GHRHR: variants seen among roughly 807,000 people sequenced by gnomAD.
GHRHR encodes the protein growth hormone releasing hormone receptor.
Under a neutral mutation model 58.3 loss-of-function variants are expected in GHRHR, and 40 were observed. The observed-to-expected ratio is 0.69, with a 90% CI of 0.53 to 0.89. The LOEUF is 0.89. Among genes scored for constraint, GHRHR ranks in the 40% least tolerant of loss-of-function variants. The pLI is 0.00. For missense variants in GHRHR, 551 were observed against 541.3 expected (o/e 1.02, Z -0.18); for synonymous variants, 249 against 216.6 (o/e 1.15, Z -1.31).
At chr7:30,975,411 A>G (rs1243808936) in intron 9 of GHRHR, among the ~76,000 whole-genome samples, 1 of 152,206 alleles carries the variant, frequency 6.6e-6, no homozygotes, top group Admixed American at 6.5e-5. Flanking sequence ...GGCAGTGAAG[A>G]CTGCTTTGCA....
Position 30,969,915 on chromosome 7 carries a change from C to A in GHRHR, c.317C>A (p.Pro106Gln). ...CTITGWSEPF[P>Q]PYPVACPVPL... ...ATCACTGGCTGGTCTGAGCCCTTTCCACCTTACCCTGTGGCCTGCCCTGTG... is the reference window on the plus strand; with the variant it reads ...ATCACTGGCTGGTCTGAGCCCTTTCAACCTTACCCTGTGGCCTGCCCTGTG... Residue 106 changes from proline to glutamine, a missense_variant, in exon 4 of 13, where the codon CCA (proline) becomes CAA (glutamine). Coordinates refer to ENST00000326139, the MANE Select transcript of GHRHR (RefSeq NM_000823.4). The A allele has an allele frequency of 6.3e-7, 1 of 1,592,018 alleles. No individual in the cohort carries two copies. Among genetic ancestry groups the A allele is most frequent in the Non-Finnish European group, 8.6e-7 (1 of 1,159,782 alleles).
At chr7:30,970,659 G>A (rs1259272323) in intron 4 of GHRHR, among the ~76,000 whole-genome samples, 1 of 152,236 alleles carries the variant, frequency 6.6e-6, no homozygotes, top group Non-Finnish European at 1.5e-5. Flanking sequence ...GCTGGACTCT[G>A]ACTGATCCAA....
chr7:30,972,203 G>C, intron 6 of GHRHR, 108 bp downstream of exon 6: 2 of 1,251,358 alleles, frequency 1.6e-6, no homozygotes, highest in Non-Finnish European at 2.3e-6. Context: ...CTGACCCTGG[G>C]GCTCCCGCAT....
intron 1 of GHRHR, among the ~76,000 whole-genome samples, chr7:30,964,486 CCT>C (rs1485481155): frequency 6.6e-6 from 1 of 152,204 alleles, no homozygotes; most frequent in Non-Finnish European, 1.5e-5. Flanking sequence ...GTCAGGCTCC[CCT>C]CTTAGTCCCT....
chr7:30,965,609 C>T (rs554266184), intron 1 of GHRHR, among the ~76,000 whole-genome samples: 13 of 152,330 alleles, frequency 8.5e-5, no homozygotes, highest in African/African-American at 3.1e-4. Context: ...TTCCCTCCTT[C>T]TCTTAGAGGT....
chr7:30,974,359 G>T, intron 7 of GHRHR, 70 bp from the exon 8 acceptor site: 1 of 1,220,870 alleles, frequency 8.2e-7, no homozygotes. Context: ...GGTGGTGGTG[G>T]GAGGTGGCGC....
chr7:30,977,180 A>G, intron 11 of GHRHR, 101 bp from the exon 12 acceptor site: 1 of 1,099,474 alleles, frequency 9.1e-7, no homozygotes, highest in Non-Finnish European at 1.4e-6. Flanking sequence ...GGCCCAAGCC[A>G]TAGCCTGGGG....
At chr7:30,965,024 C>T (rs749844729) in intron 1 of GHRHR, among the ~76,000 whole-genome samples, 1 of 152,142 alleles carries the variant, frequency 6.6e-6, no homozygotes, top group African/African-American at 2.4e-5. Flanking sequence ...TGAAACTAGC[C>T]GTGTGAACTG....
chr7:30,964,203 G>A (rs2128596170), intron 1 of GHRHR, 78 bp downstream of exon 1: 2 of 1,291,050 alleles, frequency 1.5e-6, no homozygotes, highest in Non-Finnish European at 2.2e-6. Flanking sequence ...CTGGAGCCTG[G>A]CGGAGACCCT....
In GHRHR at chr7:30,969,136, C is replaced by A; in HGVS notation, c.234C>A (p.Cys78Ter). ...CTGGCGAGTGGGTCACCCTCCCCTG[C>A]CCGGATTTCTTCTCTCACTTCAGCT... ...AGSGEWVTLP[C>*]PDFFSHFSSE... Residue 78 changes from cysteine to a stop codon, truncating the protein, a stop_gained, in exon 3 of 13, where the codon TGC becomes TGA. Transcript: ENST00000326139. LOFTEE classifies it high-confidence loss of function. 1 of 1,573,720 alleles carries A rather than the reference C, an allele frequency of 6.4e-7. No individual in the cohort carries two copies. The highest frequency in any genetic ancestry group is 8.6e-7 in the Non-Finnish European group (1 of 1,159,282).
chr7:30,966,969 G>T (rs545142369), intron 1 of GHRHR, among the ~76,000 whole-genome samples: 1 of 152,120 alleles, frequency 6.6e-6, no homozygotes. Context: ...CACAGTTTGC[G>T]CAGGGTCTAT....
intron 9 of GHRHR, among the ~76,000 whole-genome samples, chr7:30,975,554 C>T (rs1396361021): frequency 2.6e-5 from 4 of 152,148 alleles, no homozygotes; most frequent in African/African-American, 9.7e-5. Context: ...CCCTTGATCC[C>T]AGGACTTGGT....
chr7:30,972,174 G>A, intron 6 of GHRHR, 79 bp downstream of exon 6: 1 of 1,525,438 alleles, frequency 6.6e-7, no homozygotes, highest in Non-Finnish European at 9.0e-7. Context: ...GCCTGCGTCA[G>A]GCTTCCCTGC....
intron 2 of GHRHR, 59 bp from the exon 3 acceptor site, chr7:30,969,004 A>G: frequency 6.5e-7 from 1 of 1,547,896 alleles, no homozygotes; most frequent in Admixed American, 1.7e-5. Context: ...CACCCCTCGG[A>G]TTATTGGGAC....
intron 9 of GHRHR, among the ~76,000 whole-genome samples, 168 bp from the exon 10 acceptor site, chr7:30,975,609 C>A (rs1410481463): frequency 6.6e-6 from 1 of 152,134 alleles, no homozygotes; most frequent in African/African-American, 2.4e-5. Context: ...GCCCCCCCAT[C>A]TCCAGGCTAC....
chr7:30,966,895 G>A (rs1792368389), intron 1 of GHRHR, among the ~76,000 whole-genome samples: 1 of 152,186 alleles, frequency 6.6e-6, no homozygotes, highest in African/African-American at 2.4e-5. Context: ...GCCTACCTTG[G>A]CCTCCCAAAG....
chr7:30,969,957 C>A lies in GHRHR; in HGVS notation c.359C>A (p.Ala120Asp). ...TGCCCTGTGCCTCTGGAGCTGCTGG[C>A]TGAGGAGGTAAGAGTCTTCTGGCAT... ...VACPVPLELL[A>D]EEESYFSTVK... The change falls in exon 4 of 13, where the codon GCT becomes GAT. Residue 120 changes from alanine (A) to aspartate (D), a missense_variant. By Grantham distance (126) the Ala-to-Asp change is moderately radical (BLOSUM62 -2). Coordinates refer to ENST00000326139, the MANE Select transcript of GHRHR (RefSeq NM_000823.4). 3 of 1,259,122 alleles carry A rather than the reference C, an allele frequency of 2.4e-6. No homozygotes were observed. Among genetic ancestry groups the A allele is most frequent in the Admixed American group, 1.7e-5 (1 of 59,628 alleles). 78.0% of individuals were successfully genotyped at this position (1,259,122 alleles called of 1,614,324 possible). A position where few individuals can be genotyped will look rare whatever the true frequency, so the allele number is the denominator to read the frequency against.
chr7:30,979,094 A>C (rs1441013999), intron 12 of GHRHR, 25 bp from the exon 13 acceptor site: 1 of 1,611,798 alleles, frequency 6.2e-7, no homozygotes, highest in Non-Finnish European at 8.5e-7. Flanking sequence ...GGACCTTCCT[A>C]ACGTCCTCTT....
chr7:30,974,248 G>A (rs1792533569), intron 7 of GHRHR, 110 bp downstream of exon 7: 1 of 1,288,576 alleles, frequency 7.8e-7, no homozygotes, highest in Non-Finnish European at 1.1e-6. Context: ...AGAAGGAGAG[G>A]GACAGGCCAC....
Sources: allele counts gnomAD v4.1 joint callset (sites outside exome capture counted in the v4.1 genomes callset), GRCh38; gene constraint gnomAD v4.1.1; transcripts MANE v1.5; gene names NCBI Gene and HGNC (gene_info 2026-07-23, HGNC 2026-07-21).